The following TIPRL variants were observed in gnomAD, a reference collection of about 807,000 sequenced individuals.
The protein encoded by TIPRL is TOR signaling pathway regulator.
Under a neutral mutation model 32.3 loss-of-function variants are expected in TIPRL, and 10 were observed. The ratio of observed to expected loss-of-function variants is 0.31; its 90% CI spans 0.19 to 0.52. The LOEUF (loss-of-function observed/expected upper bound fraction) is 0.52. Ranked by LOEUF, TIPRL falls within the 20% of genes least tolerant of loss-of-function variation. TIPRL has a pLI of 0.96. For missense variants in TIPRL, 250 were observed against 328.1 expected (o/e 0.76, Z 1.84); for synonymous variants, 100 against 114.0 (o/e 0.88, Z 0.78).
rs527391985 is a variant in TIPRL, at chr1:168,189,901, A to G, written c.385-1468A>G. Among the ~76,000 whole-genome samples the G allele has an allele frequency of 5.9e-5, 9 of 152,358 alleles. No homozygotes were observed. In the East Asian group the frequency reaches 1.7e-3, roughly 29 times the overall value. On this transcript the variant is annotated intron_variant, in intron 3 of 6. Coordinates refer to ENST00000367833, the MANE Select transcript of TIPRL (RefSeq NM_152902.5). ...AAAACTGACAGATTCATTTTGACCAATCACTTACTGAAGGCATATGTGAAA... is the reference window on the plus strand; with the variant it reads ...AAAACTGACAGATTCATTTTGACCAGTCACTTACTGAAGGCATATGTGAAA...
intron 1 of TIPRL, among the ~76,000 whole-genome samples, chr1:168,179,556 G>C (rs1207209766): frequency 1.3e-5 from 2 of 152,174 alleles, no homozygotes; most frequent in African/African-American, 4.8e-5. Context: ...TTTCTGTCAC[G>C]TCAGGTGCTG....
chr1:168,196,704 G>T, intron 5 of TIPRL, 62 bp downstream of exon 5: 1 of 1,153,054 alleles, frequency 8.7e-7, no homozygotes. Context: ...TTGTTTAATT[G>T]TCAATCTGAG....
intron 4 of TIPRL, 24 bp from the exon 5 acceptor site, chr1:168,196,523 A>G (rs1026931762): frequency 1.4e-6 from 2 of 1,403,906 alleles, no homozygotes; most frequent in Non-Finnish European, 1.9e-6. Context: ...TAAAATATTA[A>G]TGTACCTTTT....
rs1700183468 is a variant in TIPRL, at chr1:168,198,929, C to T, written c.623C>T (p.Thr208Ile). The T allele has an allele frequency of 6.2e-7, 1 of 1,611,282 alleles. No individual in the cohort carries two copies. The highest frequency in any genetic ancestry group is 1.1e-5 in the South Asian group (1 of 90,696). Residue 208 changes from threonine to isoleucine, a missense_variant, in exon 6 of 7, where the codon ACC becomes ATC. Physicochemically the swap from Thr to Ile is moderately conservative, Grantham distance 89. Transcript: ENST00000367833. ...DTRLYHEADK[T>I]YMLREYTSRE... ...TATTTTTAAATACAGGCTGACAAGA[C>T]CTACATGTTACGAGAATATACGTCA...
In TIPRL at chr1:168,183,808, TCAG is replaced by T. The variant is rs879726709; in HGVS notation, c.105-91_105-89del. Reference sequence around the variant, plus strand: ...TTAAATCATGTGCTGTGTAACTCATTCAGCAAGTAGGAAGAATTCTGTTGGGAT... The same window carrying T: ...TTAAATCATGTGCTGTGTAACTCATTCAAGTAGGAAGAATTCTGTTGGGAT... On this transcript the variant is annotated intron_variant, in intron 1 of 6. Transcript: ENST00000367833. 31 of 1,310,902 alleles carry T rather than the reference TCAG, an allele frequency of 2.4e-5. 1 individual carries two copies. Among genetic ancestry groups the T allele is most frequent in the Middle Eastern group, 3.8e-4 (2 of 5,238 alleles). The allele number at this position is 1,310,902 out of a possible 1,614,324, so 81.2% of individuals were successfully genotyped here. A position where few individuals can be genotyped will look rare whatever the true frequency, so the allele number is the denominator to read the frequency against.
At chr1:168,197,342 G>A (rs1051513549) in intron 5 of TIPRL, among the ~76,000 whole-genome samples, 1 of 151,602 alleles carries the variant, frequency 6.6e-6, no homozygotes, top group Non-Finnish European at 1.5e-5. Flanking sequence ...TGGCAGAATT[G>A]GAATTTGAAC....
chr1:168,189,427 C>T (rs1700065567), intron 3 of TIPRL, among the ~76,000 whole-genome samples: 1 of 152,168 alleles, frequency 6.6e-6, no homozygotes, highest in Admixed American at 6.5e-5. Context: ...CTCACTGCAA[C>T]CTCTGCCCCG....
At chr1:168,195,704 C>G (rs1700145861) in intron 4 of TIPRL, among the ~76,000 whole-genome samples, 1 of 152,108 alleles carries the variant, frequency 6.6e-6, no homozygotes, top group African/African-American at 2.4e-5. Flanking sequence ...TTCCACGTAG[C>G]TAGGACTACA....
intron 4 of TIPRL, among the ~76,000 whole-genome samples, chr1:168,191,733 A>C (rs1296744478): frequency 6.6e-6 from 1 of 151,650 alleles, no homozygotes; most frequent in Non-Finnish European, 1.5e-5. Context: ...TTAGCTGGGC[A>C]TGGTGGCGGG....
intron 5 of TIPRL, among the ~76,000 whole-genome samples, chr1:168,197,848 T>C (rs1378956491): frequency 6.6e-6 from 1 of 152,190 alleles, no homozygotes; most frequent in Non-Finnish European, 1.5e-5. Context: ...AAAATACTGT[T>C]TTAATTAAAC....
chr1:168,179,159 A>C lies in TIPRL; in HGVS notation c.82A>C (p.Met28Leu). The change falls in exon 1 of 7, where the codon ATG becomes CTG. Residue 28 changes from methionine (M) to leucine (L), a missense_variant. By Grantham distance (15) the Met-to-Leu change is conservative. Coordinates refer to ENST00000367833, the MANE Select transcript of TIPRL (RefSeq NM_152902.5). The part of the protein sequence containing the change: ...WKLTASKTHI[M>L]KSADVEKLAD... ...GCTGACGGCGTCCAAGACCCACATC[A>C]TGAAGTCGGCGGATGTGGAGAAGTG... 6.2e-7 allele frequency: 1 copy of C among 1,613,934 alleles called. No individual in the cohort carries two copies. Among genetic ancestry groups the C allele is most frequent in the Non-Finnish European group, 8.5e-7 (1 of 1,179,912 alleles).
At chr1:168,192,505 AAG>A (rs1475413213) in intron 4 of TIPRL, 24 of 683,218 alleles carry the variant, frequency 3.5e-5, no homozygotes, top group Non-Finnish European at 4.3e-5. Flanking sequence ...CTCATTCTTT[AAG>A]ACCCAAAGAC....
chr1:168,182,567 A>G (rs985464806), intron 1 of TIPRL, among the ~76,000 whole-genome samples: 39 of 152,206 alleles, frequency 2.6e-4, no homozygotes, highest in African/African-American at 9.4e-4. Context: ...CGGAAGTTGC[A>G]GTGAGCCAAG....
intron 5 of TIPRL, 120 bp from the exon 6 acceptor site, chr1:168,198,799 C>G: frequency 2.5e-6 from 2 of 807,284 alleles, no homozygotes; most frequent in Non-Finnish European, 4.1e-6. Context: ...AAGATGTTCT[C>G]TTTAGACTGC....
At position 168,200,095 on chromosome 1, in the gene TIPRL, CT is replaced by C. The variant is rs1360852638; in HGVS notation, c.*50del. On this transcript the variant is annotated 3_prime_UTR_variant, in exon 7 of 7. Transcript: ENST00000367833. ...TATGGAATCTGACTGGACACCTTGG[CT>C]ATTTGTAAGGGGTTATTTTTATTAT... 6.3e-7 allele frequency: 1 copy of C among 1,579,752 alleles called. No homozygotes were observed. The highest frequency in any genetic ancestry group is 1.8e-5 in the Admixed American group (1 of 56,320).
At chr1:168,190,509 A>G (rs1001710090) in intron 3 of TIPRL, among the ~76,000 whole-genome samples, 1 of 152,172 alleles carries the variant, frequency 6.6e-6, no homozygotes, top group African/African-American at 2.4e-5. Flanking sequence ...AATTTTGTCC[A>G]TGAGTCAAAA....
chr1:168,187,936 T>C (rs1418832383), intron 3 of TIPRL, among the ~76,000 whole-genome samples: 2 of 152,148 alleles, frequency 1.3e-5, no homozygotes, highest in Non-Finnish European at 2.9e-5. Flanking sequence ...TGTGCCACTG[T>C]ACTCCAGCCT....
At position 168,200,111 on chromosome 1, in the gene TIPRL, A is replaced by G; in HGVS notation, c.*65A>G. On this transcript the variant is annotated 3_prime_UTR_variant, in exon 7 of 7. Transcript: ENST00000367833. ...ACACCTTGGCTATTTGTAAGGGGTT[A>G]TTTTTATTATGAGAATTAATTGCCT... is the stretch of plus-strand genomic sequence containing the variant. 2 of 1,516,940 alleles carry G rather than the reference A, an allele frequency of 1.3e-6. No individual in the cohort carries two copies. Among genetic ancestry groups the G allele is most frequent in the Non-Finnish European group, 1.8e-6 (2 of 1,122,550 alleles). The allele number at this position is 1,516,940 out of a possible 1,614,324, so 94.0% of individuals were successfully genotyped here. A position where few individuals can be genotyped will look rare whatever the true frequency, so the allele number is the denominator to read the frequency against.
In TIPRL at chr1:168,184,849, A is replaced by T; in HGVS notation, c.355A>T (p.Thr119Ser). 6.2e-7 allele frequency: 1 copy of T among 1,610,942 alleles called. No homozygotes were observed. The highest frequency in any genetic ancestry group is 8.5e-7 in the Non-Finnish European group (1 of 1,177,850). The change falls in exon 3 of 7, where the codon ACC becomes TCC. Residue 119 changes from threonine (T) to serine (S), a missense_variant. Transcript: ENST00000367833. ...DWTYTTDYKG[T>S]LLGESLKLKV... ...GACCTATACAACAGATTATAAGGGA[A>T]CCTTACTTGGAGAATCTCTTAAGTT... is the stretch of plus-strand genomic sequence containing the variant.
Sources: allele counts gnomAD v4.1 joint callset (sites outside exome capture counted in the v4.1 genomes callset), GRCh38; gene constraint gnomAD v4.1.1; transcripts MANE v1.5; gene names NCBI Gene and HGNC (gene_info 2026-07-23, HGNC 2026-07-21).